The following ARID1A variants were observed in gnomAD, a reference collection of about 807,000 sequenced individuals.
ARID1A encodes AT-rich interactive domain-containing protein 1A.
In ARID1A, 20 loss-of-function variants were observed where a neutral mutation model predicts 212.6. The ratio of observed to expected loss-of-function variants is 0.09; its 90% confidence interval spans 0.07 to 0.14. The LOEUF is 0.14. Among genes scored for constraint, ARID1A ranks in the 10% least tolerant of loss-of-function variants. ARID1A has a pLI of 1.00. For synonymous variants in ARID1A, 1,376 were observed against 1,222.1 expected (o/e 1.13, Z -2.63); for missense variants, 2,587 against 3,059.0 (o/e 0.85, Z 3.64).
chr1:26,730,865 C>T (rs929052480), intron 2 of ARID1A, among the ~76,000 whole-genome samples: 13 of 152,192 alleles, frequency 8.5e-5, no homozygotes, highest in Non-Finnish European at 1.6e-4. Flanking sequence ...GTTAGGCTCA[C>T]TGGTAGAAAC....
chr1:26,775,757 T>G, intron 19 of ARID1A, 50 bp downstream of exon 19: 1 of 1,612,912 alleles, frequency 6.2e-7, no homozygotes, highest in East Asian at 2.2e-5. Flanking sequence ...ATCTTCTTAG[T>G]GTAGACAATG....
In ARID1A at chr1:26,762,189, T is replaced by A. The variant is rs967053127; in HGVS notation, c.2289T>A (p.Ser763Arg). 6.2e-7 allele frequency: 1 copy of A among 1,614,008 alleles called. No individual in the cohort carries two copies. The highest frequency in any genetic ancestry group is 8.5e-7 in the Non-Finnish European group (1 of 1,179,988). The change falls in exon 7 of 20, where the codon AGT becomes AGA. Residue 763 changes from serine to arginine, a missense_variant. Ser to Arg is a moderately radical substitution (Grantham distance 110). Coordinates refer to ENST00000324856, the MANE Select transcript of ARID1A (RefSeq NM_006015.6). ...MQRNPQMPQY[S>R]SPQPGSALSP... The stretch of plus-strand genomic sequence containing the variant: ...GGAACCCCCAGATGCCCCAGTACAG[T>A]TCCCCCCAGCCCGGCTCAGCCTTAT...
intron 1 of ARID1A, among the ~76,000 whole-genome samples, chr1:26,701,494 G>C (rs370729770): frequency 1.1e-3 from 170 of 152,302 alleles, no homozygotes; most frequent in African/African-American, 3.8e-3. Flanking sequence ...CTCACAACAG[G>C]AGGAGGAAGG....
intron 4 of ARID1A, among the ~76,000 whole-genome samples, chr1:26,751,187 G>GGAGATTGCAGT (rs1553151096): frequency 6.6e-5 from 10 of 151,898 alleles, no homozygotes; most frequent in African/African-American, 2.2e-4. Flanking sequence ...CCTGGGAGGC[G>GGAGATTGCAGT]GAGATTGCAG....
chr1:26,775,326 G>A lies in ARID1A; in HGVS notation c.4993+106G>A. 3 of 1,467,750 alleles carry A rather than the reference G, an allele frequency of 2.0e-6. No individual in the cohort carries two copies. The South Asian group carries it at 4.3e-5, about 21-fold the overall frequency. 90.9% of individuals were successfully genotyped at this position (1,467,750 alleles called of 1,614,324 possible). The stretch of plus-strand genomic sequence containing the variant: ...ATGAGGTTGAATCTGGTCCAGTGTT[G>A]ACTAAAATAGAACCAAAGAACTTTG... On this transcript the variant is annotated intron_variant, in intron 18 of 19. Coordinates refer to ENST00000324856, the MANE Select transcript of ARID1A (RefSeq NM_006015.6).
At chr1:26,736,673 C>T (rs534310343) in intron 4 of ARID1A, among the ~76,000 whole-genome samples, 1 of 149,736 alleles carries the variant, frequency 6.7e-6, no homozygotes, top group Non-Finnish European at 1.5e-5. Context: ...GAGGCCGAGG[C>T]GGGCAAATCG....
intron 1 of ARID1A, among the ~76,000 whole-genome samples, chr1:26,728,294 TTG>T (rs1373334569): frequency 1.3e-5 from 2 of 152,224 alleles, no homozygotes; most frequent in Non-Finnish European, 2.9e-5. Context: ...CTGTGGCTTA[TTG>T]TCTTACCTGT....
intron 4 of ARID1A, among the ~76,000 whole-genome samples, chr1:26,744,283 G>T (rs1409964129): frequency 6.6e-6 from 1 of 152,158 alleles, no homozygotes; most frequent in Non-Finnish European, 1.5e-5. Context: ...TTGTTCCTGG[G>T]CCCATTTCCT....
At chr1:26,769,185 G>A (rs968742770) in intron 11 of ARID1A, 5 of 152,210 alleles carry the variant, frequency 3.3e-5, no homozygotes, top group Non-Finnish European at 5.9e-5. Flanking sequence ...TAGGGAAAGG[G>A]AGCATTGGGT....
In ARID1A at chr1:26,779,232, A is replaced by G. The variant is rs375160070; in HGVS notation, c.5334A>G (p.Glu1778=). ...LLGPKLEEEE[E]EEVVENDEEI... ...GTCCTAAACTAGAAGAGGAAGAAGAAGAGGAAGTAGTTGAAAATGATGAGG... is the reference window on the plus strand; with the variant it reads ...GTCCTAAACTAGAAGAGGAAGAAGAGGAGGAAGTAGTTGAAAATGATGAGG... Residue 1778 remains glutamate, a synonymous_variant, in exon 20 of 20, where the codon GAA becomes GAG. Coordinates refer to ENST00000324856, the MANE Select transcript of ARID1A (RefSeq NM_006015.6). 120 of 1,613,980 alleles carry G rather than the reference A, an allele frequency of 7.4e-5. No homozygotes were observed. Among genetic ancestry groups the G allele is most frequent in the Non-Finnish European group, 8.1e-5 (95 of 1,179,968 alleles).
At position 26,774,358 on chromosome 1, in the gene ARID1A, T is replaced by C. The variant is rs1477010478; in HGVS notation, c.4131T>C (p.Tyr1377=). 2 of 1,558,412 alleles carry C rather than the reference T, an allele frequency of 1.3e-6. No homozygotes were observed. Among genetic ancestry groups the C allele is most frequent in the Non-Finnish European group, 1.7e-6 (2 of 1,149,526 alleles). The change falls in exon 18 of 20, where the codon TAT becomes TAC. Residue 1377 remains tyrosine, a synonymous_variant. Transcript: ENST00000324856. The surrounding 1 kb of genome is among the most constrained non-coding windows in gnomAD (Gnocchi z 5.6). ...QNYKRPMDGT[Y]GPPAKRHEGE... ...ACAAGCGGCCAATGGATGGCACATA[T>C]GGCCCTCCTGCCAAGCGGCACGAAG...
chr1:26,758,619 CAAA>C (rs113900947), intron 4 of ARID1A, among the ~76,000 whole-genome samples: 25 of 93,638 alleles, frequency 2.7e-4, no homozygotes, highest in South Asian at 3.4e-4. Flanking sequence ...GACCCTGTCT[CAAA>C]AAAAAAAAAA....
At chr1:26,703,442 G>C (rs2080357166) in intron 1 of ARID1A, among the ~76,000 whole-genome samples, 1 of 152,122 alleles carries the variant, frequency 6.6e-6, no homozygotes, top group Non-Finnish European at 1.5e-5. Flanking sequence ...TCTGACACCA[G>C]TTTTCTTTAT....
At chr1:26,735,274 C>T (rs139720469) in intron 4 of ARID1A, among the ~76,000 whole-genome samples, 3 of 151,104 alleles carry the variant, frequency 2.0e-5, no homozygotes, top group African/African-American at 7.3e-5. Context: ...TACAGGTGCT[C>T]GCCACTACGC....
intron 1 of ARID1A, among the ~76,000 whole-genome samples, chr1:26,706,853 G>A (rs968880275): frequency 7.2e-5 from 11 of 152,198 alleles, no homozygotes; most frequent in African/African-American, 2.4e-4. Context: ...TTGATCTAGC[G>A]TTATGTGAAA....
chr1:26,739,767 TA>T (rs1209109708), intron 4 of ARID1A, among the ~76,000 whole-genome samples: 3 of 152,170 alleles, frequency 2.0e-5, no homozygotes, highest in African/African-American at 7.2e-5. Context: ...TCCCTTCCTT[TA>T]GTGGGGCCAA....
chr1:26,699,756 T>G (rs1004282575), intron 1 of ARID1A, among the ~76,000 whole-genome samples: 2 of 152,238 alleles, frequency 1.3e-5, no homozygotes, highest in African/African-American at 4.8e-5. Flanking sequence ...TGAAAACTAT[T>G]AGAATAAGTC....
intron 4 of ARID1A, among the ~76,000 whole-genome samples, chr1:26,752,074 G>A (rs1439739218): frequency 6.6e-6 from 1 of 152,224 alleles, no homozygotes; most frequent in African/African-American, 2.4e-5. Context: ...AGTTTCTGCT[G>A]TTCCAAACCA....
Position 26,780,810 on chromosome 1 carries a change from G to A in ARID1A, c.*54G>A. The A allele has an allele frequency of 4.0e-6, 6 of 1,513,408 alleles. No individual in the cohort carries two copies. The East Asian group carries it at 1.4e-4, about 34-fold the overall frequency. 93.7% of individuals were successfully genotyped at this position (1,513,408 alleles called of 1,614,324 possible). On this transcript the variant is annotated 3_prime_UTR_variant, in exon 20 of 20. Transcript: ENST00000324856. The surrounding 1 kb of genome is among the most constrained non-coding windows in gnomAD (Gnocchi z 7.2). Reference sequence around the variant, plus strand: ...TGTGTGTGCGTGTGTGGAGAACTTAGAAACTGACTGTTGCCCTTTATTTAT... The same window carrying A: ...TGTGTGTGCGTGTGTGGAGAACTTAAAAACTGACTGTTGCCCTTTATTTAT...
Sources: gnomAD v4.1 joint callset for allele counts (sites outside exome capture counted in the v4.1 genomes callset) on GRCh38, gnomAD v4.1.1 for gene constraint, Gnocchi (gnomAD v3.1) non-coding constraint, MANE v1.5 for transcripts, NCBI Gene and HGNC (gene_info 2026-07-23, HGNC 2026-07-21) for gene names.